NEBL: variants seen among roughly 807,000 people sequenced by gnomAD.
NEBL encodes LIM and SH3 protein 2.
Under a neutral mutation model 140.2 loss-of-function variants are expected in NEBL, and 122 were observed. The ratio of observed to expected loss-of-function variants is 0.87; its 90% CI spans 0.75 to 1.01. The LOEUF is 1.01. NEBL is among the 50% of genes least tolerant of loss of function. The pLI, the probability that NEBL is intolerant of heterozygous loss-of-function variation, is 0.00. For missense variants in NEBL, 1,365 were observed against 1,231.3 expected (o/e 1.11, Z -1.62); for synonymous variants, 436 against 398.9 (o/e 1.09, Z -1.11).
chr10:21,054,573 A>G (rs1372374794), intron 2 of NEBL, among the ~76,000 whole-genome samples: 2 of 152,214 alleles, frequency 1.3e-5, no homozygotes, highest in Non-Finnish European at 1.5e-5. Context: ...AGAGATTTAA[A>G]TAAGTTTTTC....
intron 3 of NEBL, among the ~76,000 whole-genome samples, chr10:20,980,051 C>CAA (rs61096067): frequency 8.2e-6 from 1 of 121,346 alleles, no homozygotes. Flanking sequence ...CTCATTTCCA[C>CAA]AAAAAAAAAA....
Position 20,930,954 on chromosome 10 carries a change from T to C in NEBL, c.357+30718A>G, listed in dbSNP as rs1326284816. Among the ~76,000 whole-genome samples the C allele has an allele frequency of 4.6e-5, 7 of 152,094 alleles. No individual in the cohort carries two copies. The East Asian group carries it at 9.7e-4, about 21-fold the overall frequency. ...GACAGTCACAGCCTTACCCTAAACA[T>C]ACAAAACATAGAAACAAACGCCTGT... On this transcript the variant is annotated intron_variant, in intron 4 of 6. Transcript: ENST00000417816.
chr10:21,133,262 A>C (rs1045013902), intron 2 of NEBL, among the ~76,000 whole-genome samples: 1 of 152,224 alleles, frequency 6.6e-6, no homozygotes, highest in African/African-American at 2.4e-5. Context: ...CCTGGCTTCA[A>C]GGTAAGAAAA....
intron 3 of NEBL, among the ~76,000 whole-genome samples, chr10:21,209,648 C>CT (rs780655295): frequency 8.4e-4 from 118 of 141,150 alleles, no homozygotes; most frequent in Non-Finnish European, 1.2e-3. Flanking sequence ...GGCACCTGAC[C>CT]TTTTTTTTTT....
upstream of NEBL, chr10:20,897,491 A>G: frequency 8.6e-7 from 1 of 1,159,466 alleles, no homozygotes; most frequent in South Asian, 2.8e-5. Context: ...TCCACTGGTT[A>G]AGAAATCCAA....
intron 2 of NEBL, among the ~76,000 whole-genome samples, chr10:21,043,049 C>T (rs1223634252): frequency 6.6e-6 from 1 of 152,180 alleles, no homozygotes; most frequent in African/African-American, 2.4e-5. Flanking sequence ...GACAATGCTT[C>T]CACCAATATC....
chr10:21,132,234 T>C (rs534653277), intron 2 of NEBL, among the ~76,000 whole-genome samples: 10 of 152,264 alleles, frequency 6.6e-5, no homozygotes, highest in African/African-American at 2.4e-4. Context: ...TGGAATCATA[T>C]CATATGTGGC....
At chr10:21,034,888 G>C (rs952358529) in intron 2 of NEBL, among the ~76,000 whole-genome samples, 5 of 152,086 alleles carry the variant, frequency 3.3e-5, no homozygotes, top group African/African-American at 1.2e-4. Context: ...GTGATTTGCT[G>C]CACCTGTCAA....
intron 26 of NEBL, among the ~76,000 whole-genome samples, chr10:20,800,472 C>A (rs1837006782): frequency 6.6e-6 from 1 of 152,052 alleles, no homozygotes; most frequent in African/African-American, 2.4e-5. Context: ...GTTTCATCTA[C>A]TTTGGGTTGG....
At chr10:21,164,187 C>T (rs1051886216) in intron 2 of NEBL, among the ~76,000 whole-genome samples, 5 of 152,200 alleles carry the variant, frequency 3.3e-5, no homozygotes, top group East Asian at 1.9e-4. Flanking sequence ...CTAGATTCCA[C>T]GGTAAAGCCA....
intron 3 of NEBL, among the ~76,000 whole-genome samples, chr10:21,198,399 C>T (rs185969500): frequency 6.6e-6 from 1 of 152,156 alleles, no homozygotes; most frequent in Admixed American, 6.5e-5. Flanking sequence ...TTTAAAATCC[C>T]TCTCTGTGCC....
chr10:20,977,198 G>C (rs1214468163), intron 3 of NEBL, among the ~76,000 whole-genome samples: 1 of 152,180 alleles, frequency 6.6e-6, no homozygotes, highest in Admixed American at 6.5e-5. Context: ...ATAGAAGCCG[G>C]AAGTCAGCAC....
At chr10:21,147,627 T>C (rs1589284296) in intron 2 of NEBL, among the ~76,000 whole-genome samples, 1 of 152,146 alleles carries the variant, frequency 6.6e-6, no homozygotes, top group South Asian at 2.1e-4. Flanking sequence ...GAGTCCTTGA[T>C]ATTTACCACG....
At chr10:20,891,627 G>C (rs1387823733) in intron 2 of NEBL, among the ~76,000 whole-genome samples, 1 of 152,082 alleles carries the variant, frequency 6.6e-6, no homozygotes, top group African/African-American at 2.4e-5. Context: ...TAAGGGTGAG[G>C]TATTTACTTC....
At chr10:21,034,886 C>T (rs1833951223) in intron 2 of NEBL, among the ~76,000 whole-genome samples, 1 of 152,084 alleles carries the variant, frequency 6.6e-6, no homozygotes, top group African/African-American at 2.4e-5. Flanking sequence ...TGGTGATTTG[C>T]TGCACCTGTC....
intron 3 of NEBL, among the ~76,000 whole-genome samples, chr10:20,976,086 G>A (rs1334973782): frequency 1.3e-5 from 2 of 152,068 alleles, no homozygotes; most frequent in Non-Finnish European, 2.9e-5. Flanking sequence ...TGTAATCCCA[G>A]CACTTTGGGA....
At chr10:20,845,135 T>C in intron 12 of NEBL, 123 bp downstream of exon 12, 1 of 638,796 alleles carries the variant, frequency 1.6e-6, no homozygotes, top group Non-Finnish European at 2.8e-6. Flanking sequence ...AAGATCAAAG[T>C]GAAAAAAAAG....
intron 4 of NEBL, among the ~76,000 whole-genome samples, chr10:20,954,313 G>C (rs933757989): frequency 1.3e-5 from 2 of 152,172 alleles, no homozygotes; most frequent in Non-Finnish European, 2.9e-5. Context: ...AATATTTGTT[G>C]ACACAAATGG....
intron 12 of NEBL, among the ~76,000 whole-genome samples, chr10:20,843,116 G>C (rs1841549145): frequency 6.6e-6 from 1 of 152,050 alleles, no homozygotes; most frequent in South Asian, 2.1e-4. Flanking sequence ...GGTTAGATGG[G>C]ATTGTGAGAG....
Sources: allele counts gnomAD v4.1 joint callset (sites outside exome capture counted in the v4.1 genomes callset), GRCh38; gene constraint gnomAD v4.1.1; transcripts MANE v1.5; gene names NCBI Gene and HGNC (gene_info 2026-07-23, HGNC 2026-07-21).